MTMR10: variants seen among roughly 807,000 people sequenced by gnomAD.
MTMR10 encodes the protein myotubularin-related protein 10.
A neutral mutation model predicts 88.1 loss-of-function variants in MTMR10; 56 were observed. The observed-to-expected ratio is 0.64, with a 90% CI of 0.51 to 0.79. The LOEUF (loss-of-function observed/expected upper bound fraction) is 0.79. MTMR10 is among the 30% of genes least tolerant of loss of function. MTMR10 has a pLI of 0.00. For missense variants in MTMR10, 883 were observed against 924.7 expected, an observed-to-expected ratio of 0.95 and a Z score of 0.58; for synonymous variants, 380 against 340.9, an observed-to-expected ratio of 1.11 and a Z score of -1.26.
chr15:30,919,517 C>T, the MTMR10 span, among the ~76,000 whole-genome samples: 1 of 151,440 alleles, frequency 6.6e-6, no homozygotes, highest in Non-Finnish European at 1.5e-5. Flanking sequence ...ATGGTGAAAC[C>T]TCGTCTCTAC....
rs765699676 is a variant in MTMR10 at position 30,967,550 on chromosome 15, T to C, written c.565+370A>G. Among the ~76,000 whole-genome samples, 4 of 152,220 alleles carry C rather than the reference T, an allele frequency of 2.6e-5. No individual in the cohort carries two copies. In the South Asian group the frequency reaches 8.3e-4, roughly 32 times the overall value. On this transcript the variant is annotated intron_variant, in intron 6 of 15. Transcript: ENST00000435680. Reference sequence around the variant, plus strand: ...AATCACACCTTGCCAGAAAAGATTATGCTTTTAATATATCTTTTAGTTTTC... The same window carrying C: ...AATCACACCTTGCCAGAAAAGATTACGCTTTTAATATATCTTTTAGTTTTC...
At chr15:30,984,031 G>GT (rs1413859629) in intron 2 of MTMR10, among the ~76,000 whole-genome samples, 1 of 152,168 alleles carries the variant, frequency 6.6e-6, no homozygotes, top group Non-Finnish European at 1.5e-5. Context: ...GATAATAACA[G>GT]TAACAAGGTC....
intron 15 of MTMR10, chr15:30,942,571 A>AC (rs2063091128): frequency 8.1e-6 from 3 of 368,922 alleles, no homozygotes; most frequent in Non-Finnish European, 1.5e-5. Context: ...GGCCATGACT[A>AC]CATCACAGCC....
chr15:30,939,245 A>G lies in MTMR10; in HGVS notation c.*2225T>C, dbSNP rs1595895807. ...AAATCAGTTTCCATCATAAAATAAC[A>G]GCAAGACACTGTACACCTTTACGTT... On this transcript the variant is annotated 3_prime_UTR_variant, in exon 16 of 16. Transcript: ENST00000435680. The G allele has an allele frequency of 4.1e-6, 4 of 985,482 alleles. No individual in the cohort carries two copies. The highest frequency in any genetic ancestry group is 4.8e-6 in the Non-Finnish European group (4 of 829,932). 61.0% of individuals were successfully genotyped at this position (985,482 alleles called of 1,614,324 possible). A position where few individuals can be genotyped will look rare whatever the true frequency, so the allele number is the denominator to read the frequency against.
At chr15:30,955,314 A>T (rs530203911) in intron 9 of MTMR10, among the ~76,000 whole-genome samples, 1 of 152,326 alleles carries the variant, frequency 6.6e-6, no homozygotes, top group East Asian at 1.9e-4. Context: ...ACTGTCGCCC[A>T]GGCTGGAGTG....
intron 9 of MTMR10, 76 bp from the exon 10 acceptor site, chr15:30,954,969 G>A: frequency 7.8e-7 from 1 of 1,288,218 alleles, no homozygotes; most frequent in Non-Finnish European, 1.0e-6. Flanking sequence ...CTATAGACCA[G>A]GGGATAGAGA....
At chr15:30,929,482 A>T in the MTMR10 span, 1 of 964,524 alleles carries the variant, frequency 1.0e-6, no homozygotes, top group South Asian at 1.7e-5. Context: ...ATCAAAATAC[A>T]CATGTGTGTA....
At chr15:30,968,063 A>C in intron 5 of MTMR10, 53 bp from the exon 6 acceptor site, 6 of 1,317,878 alleles carry the variant, frequency 4.6e-6, no homozygotes, top group Non-Finnish European at 6.4e-6. Flanking sequence ...AGTTAAATGA[A>C]ATGTACAATA....
intron 2 of MTMR10, among the ~76,000 whole-genome samples, chr15:30,985,031 T>C (rs566822127): frequency 3.9e-5 from 6 of 152,320 alleles, no homozygotes; most frequent in African/African-American, 1.4e-4. Context: ...CCAAACTGCA[T>C]CAAGCACACA....
At chr15:30,958,051 G>A (rs1417512406) in intron 9 of MTMR10, among the ~76,000 whole-genome samples, 1 of 152,224 alleles carries the variant, frequency 6.6e-6, no homozygotes, top group African/African-American at 2.4e-5. Flanking sequence ...AGCAGGCTGG[G>A]GGAGGGCATG....
At chr15:30,924,142 T>G in the MTMR10 span, among the ~76,000 whole-genome samples, 7 of 152,252 alleles carry the variant, frequency 4.6e-5, no homozygotes, top group African/African-American at 1.7e-4. Context: ...GCATCATGTT[T>G]CTGAGCTTCA....
At chr15:30,938,785 G>A (rs542208793), downstream of MTMR10, among the ~76,000 whole-genome samples, 4 of 152,152 alleles carry the variant, frequency 2.6e-5, no homozygotes, top group Admixed American at 6.5e-5. Context: ...AGCCACTTCC[G>A]AATTGCTGTT....
At chr15:30,966,632 T>G (rs1428418873) in intron 6 of MTMR10, among the ~76,000 whole-genome samples, 2 of 152,196 alleles carry the variant, frequency 1.3e-5, no homozygotes, top group Non-Finnish European at 2.9e-5. Flanking sequence ...TACCTAATAG[T>G]GCAGGATCTG....
the MTMR10 span, chr15:30,929,112 G>T: frequency 9.1e-7 from 1 of 1,095,738 alleles, no homozygotes; most frequent in South Asian, 1.5e-5. Flanking sequence ...TCGGTTGGCC[G>T]GTTTCCAAGT....
At chr15:30,957,582 A>T (rs12442021) in intron 9 of MTMR10, among the ~76,000 whole-genome samples, 17,274 of 151,956 alleles carry the variant, frequency 0.11, 1,410 homozygotes, top group African/African-American at 0.22. Context: ...AATCAGCTGG[A>T]TGTGGTGGTG....
At position 30,942,055 on chromosome 15, in the gene MTMR10, T is replaced by G. The variant is rs781084701; in HGVS notation, c.1749A>C (p.Thr583=). 1.8e-5 allele frequency: 29 copies of G among 1,613,656 alleles called. No homozygotes were observed. Among genetic ancestry groups the G allele is most frequent in the Non-Finnish European group, 2.0e-5 (24 of 1,179,692 alleles). The change falls in exon 16 of 16, where the codon ACA becomes ACC. Residue 583 remains threonine (T), a synonymous_variant. Transcript: ENST00000435680. ...TTAAGGCAGACGGCATTCCTCTTAG[T>G]GTGGAGCTGTAGCTTTTCTATACAG... is the stretch of plus-strand genomic sequence containing the variant. ...FKRTKKSYSS[T]LRGMPSALKN... is the part of the protein sequence containing the mutation.
At chr15:30,921,814 C>T in the MTMR10 span, among the ~76,000 whole-genome samples, 2 of 152,166 alleles carry the variant, frequency 1.3e-5, no homozygotes. Context: ...TGAGGACACC[C>T]CTCATTACTT....
In MTMR10 at chr15:30,961,063, A is replaced by T; in HGVS notation, c.576T>A (p.Ile192=). The T allele has an allele frequency of 3.2e-6, 5 of 1,545,980 alleles. No individual in the cohort carries two copies. The highest frequency in any genetic ancestry group is 4.4e-6 in the Non-Finnish European group (5 of 1,144,796). The change falls in exon 7 of 16, where the codon ATT becomes ATA. Residue 192 remains isoleucine (I), a synonymous_variant. Coordinates refer to ENST00000435680, the MANE Select transcript of MTMR10 (RefSeq NM_017762.3). ...GKKYHNSANK[I]NGIPSGDGGG... is the part of the protein sequence containing the mutation. The stretch of plus-strand genomic sequence containing the variant: ...CTCCATCTCCTGAGGGAATTCCATT[A>T]ATTTTGTTTGCTGTAGGAAAAAGCA...
intron 2 of MTMR10, among the ~76,000 whole-genome samples, chr15:30,981,239 A>G (rs2030549115): frequency 6.6e-6 from 1 of 152,264 alleles, no homozygotes; most frequent in African/African-American, 2.4e-5. Flanking sequence ...CTCTCCAGGA[A>G]GTGGAGCTTA....
Sources: gnomAD v4.1 joint callset for allele counts (sites outside exome capture counted in the v4.1 genomes callset) on GRCh38, gnomAD v4.1.1 for gene constraint, MANE v1.5 for transcripts, NCBI Gene and HGNC (gene_info 2026-07-23, HGNC 2026-07-21) for gene names.